DAB2IP: variants seen among roughly 807,000 people sequenced by gnomAD.
DAB2IP encodes the protein disabled homolog 2-interacting protein.
A neutral mutation model predicts 107.2 loss-of-function variants in DAB2IP; 28 were observed. The observed-to-expected ratio is 0.26, with a 90% CI of 0.19 to 0.36. DAB2IP has a LOEUF of 0.36. Ranked by LOEUF, DAB2IP falls within the 10% of genes least tolerant of loss-of-function variation. DAB2IP has a pLI of 1.00. For missense variants in DAB2IP, 1,400 were observed against 1,644.7 expected (o/e 0.85, Z 2.57); for synonymous variants, 755 against 706.4 (o/e 1.07, Z -1.09).
At chr9:121,764,531 G>T (rs1834127264) in intron 8 of DAB2IP, among the ~76,000 whole-genome samples, 1 of 152,226 alleles carries the variant, frequency 6.6e-6, no homozygotes, top group African/African-American at 2.4e-5. Context: ...GTGATGGCCA[G>T]CCAGCCTGGT....
At chr9:121,582,732 G>GA (rs2118909366) in intron 1 of DAB2IP, among the ~76,000 whole-genome samples, 1 of 152,302 alleles carries the variant, frequency 6.6e-6, no homozygotes, top group East Asian at 1.9e-4. Flanking sequence ...CAGTTTCCAT[G>GA]ACTCTCTTCT....
At chr9:121,655,099 T>G (rs1439684424) in intron 1 of DAB2IP, among the ~76,000 whole-genome samples, 1 of 151,766 alleles carries the variant, frequency 6.6e-6, no homozygotes, top group Non-Finnish European at 1.5e-5. Flanking sequence ...ATGGGCAGAG[T>G]GAGACCTGCT....
At chr9:121,731,136 A>G (rs1299272843) in intron 3 of DAB2IP, among the ~76,000 whole-genome samples, 3 of 152,004 alleles carry the variant, frequency 2.0e-5, no homozygotes, top group South Asian at 2.1e-4. Flanking sequence ...TGTTATATAT[A>G]TTTTTTTGTT....
chr9:121,679,246 A>G (rs1021476229), intron 2 of DAB2IP, among the ~76,000 whole-genome samples: 1 of 152,162 alleles, frequency 6.6e-6, no homozygotes, highest in Non-Finnish European at 1.5e-5. Context: ...ATAACTGATG[A>G]TGGCTTAGAA....
chr9:121,659,942 C>T (rs976991909), intron 1 of DAB2IP, among the ~76,000 whole-genome samples: 1 of 152,104 alleles, frequency 6.6e-6, no homozygotes, highest in African/African-American at 2.4e-5. Flanking sequence ...TAGCGAGCCA[C>T]CTAGTATGTG....
intron 3 of DAB2IP, among the ~76,000 whole-genome samples, chr9:121,728,659 G>A (rs1831362722): frequency 6.6e-6 from 1 of 152,214 alleles, no homozygotes; most frequent in African/African-American, 2.4e-5. Flanking sequence ...AGGAGCCAGT[G>A]AGGGTGGGGA....
chr9:121,585,050 G>A (rs939411973), intron 1 of DAB2IP, among the ~76,000 whole-genome samples: 8 of 152,180 alleles, frequency 5.3e-5, no homozygotes, highest in South Asian at 2.1e-4. Flanking sequence ...GACTACAGGC[G>A]CGTGCCACTG....
intron 3 of DAB2IP, among the ~76,000 whole-genome samples, chr9:121,707,408 G>C (rs1340596566): frequency 6.6e-6 from 1 of 152,182 alleles, no homozygotes. Flanking sequence ...TGCCGAGTGA[G>C]TTACTCCTTA....
At chr9:121,703,940 C>T (rs1156503193) in intron 3 of DAB2IP, among the ~76,000 whole-genome samples, 3 of 152,154 alleles carry the variant, frequency 2.0e-5, no homozygotes, top group Non-Finnish European at 2.9e-5. Context: ...CCATTATTAC[C>T]TAGAGCACAG....
chr9:121,692,863 G>A (rs886660789), intron 2 of DAB2IP, among the ~76,000 whole-genome samples: 1 of 152,220 alleles, frequency 6.6e-6, no homozygotes, highest in South Asian at 2.1e-4. Flanking sequence ...GGTAGAGACC[G>A]GGGAACAGGG....
At chr9:121,623,379 G>T (rs1175596666) in intron 1 of DAB2IP, among the ~76,000 whole-genome samples, 1 of 152,138 alleles carries the variant, frequency 6.6e-6, no homozygotes, top group African/African-American at 2.4e-5. Context: ...TGTTCTTTTG[G>T]TGGGGGGAAT....
intron 3 of DAB2IP, among the ~76,000 whole-genome samples, chr9:121,707,670 G>T (rs1401792297): frequency 6.6e-6 from 1 of 152,210 alleles, no homozygotes; most frequent in Non-Finnish European, 1.5e-5. Context: ...CATACCAAGG[G>T]CAGTGAATTA....
chr9:121,733,722 C>T (rs1831685544), intron 3 of DAB2IP, among the ~76,000 whole-genome samples: 1 of 152,154 alleles, frequency 6.6e-6, no homozygotes, highest in Non-Finnish European at 1.5e-5. Context: ...GAAGGCTTCC[C>T]TCAGGTGGGG....
intron 2 of DAB2IP, among the ~76,000 whole-genome samples, chr9:121,680,571 T>A (rs995656895): frequency 2.0e-5 from 3 of 152,014 alleles, no homozygotes; most frequent in Non-Finnish European, 4.4e-5. Flanking sequence ...AAGACCAAGT[T>A]CTGATCTCTC....
chr9:121,685,256 G>A (rs1279329785), intron 2 of DAB2IP, among the ~76,000 whole-genome samples: 1 of 152,228 alleles, frequency 6.6e-6, no homozygotes, highest in Non-Finnish European at 1.5e-5. Context: ...CCTTCCGCGG[G>A]GGGCATCCCC....
intron 1 of DAB2IP, among the ~76,000 whole-genome samples, chr9:121,627,194 C>G (rs1023118387): frequency 5.3e-5 from 8 of 152,004 alleles, no homozygotes; most frequent in Admixed American, 5.2e-4. Flanking sequence ...TCTATCCACC[C>G]AGGAGATCAT....
At chr9:121,623,653 C>T (rs1831549102) in intron 1 of DAB2IP, among the ~76,000 whole-genome samples, 1 of 152,110 alleles carries the variant, frequency 6.6e-6, no homozygotes. Flanking sequence ...CAAGCATGAA[C>T]CACCATGCCT....
chr9:121,615,787 C>T (rs749784973), intron 1 of DAB2IP, among the ~76,000 whole-genome samples: 25 of 151,878 alleles, frequency 1.6e-4, no homozygotes, highest in African/African-American at 4.4e-4. Flanking sequence ...CCACCATGCC[C>T]GGCTAATTTT....
At position 121,772,975 on chromosome 9, in the gene DAB2IP, C is replaced by T. The variant is rs141593526; in HGVS notation, c.2447C>T (p.Ala816Val). 492 of 1,600,764 alleles carry T rather than the reference C, an allele frequency of 3.1e-4. No homozygotes were observed. The highest frequency in any genetic ancestry group is 3.8e-4 in the Non-Finnish European group (447 of 1,174,350). Residue 816 changes from alanine to valine, a missense_variant, in exon 12 of 16, where the codon GCG (alanine) becomes GTG (valine). By Grantham distance (64) the Ala-to-Val change is moderately conservative (BLOSUM62 0). Around this residue, in one of 3 missense-constraint regions of DAB2IP, gnomAD observed 600 missense variants for 659.1 expected, o/e 0.91. Coordinates refer to ENST00000408936, the Ensembl canonical transcript of DAB2IP. The surrounding 1 kb of genome is among the most constrained non-coding windows in gnomAD (Gnocchi z 4.7). ...ACCACACCAGGCACCTCCGAGGGCG[C>T]GCCAGGCCGGCCCCAGCTGTTGGCA...
Sources: gnomAD v4.1 joint callset for allele counts (sites outside exome capture counted in the v4.1 genomes callset) on GRCh38, gnomAD v4.1.1 for gene constraint, gnomAD v4.1.1 regional missense constraint, Gnocchi (gnomAD v3.1) non-coding constraint, MANE v1.5 for transcripts, NCBI Gene and HGNC (gene_info 2026-07-23, HGNC 2026-07-21) for gene names.